The following BZW1 variants were observed in gnomAD, a reference collection of about 807,000 sequenced individuals.
The protein encoded by BZW1 is basic leucine zipper and W2 domains 1.
BZW1 carries 3 observed loss-of-function variants against 54.1 expected under a neutral mutation model. The ratio of observed to expected loss-of-function variants is 0.06; its 90% CI spans 0.03 to 0.14. BZW1 has a LOEUF of 0.14. Ranked by LOEUF, BZW1 falls within the 10% of genes least tolerant of loss-of-function variation. The pLI, the probability that BZW1 is intolerant of heterozygous loss-of-function variation, is 1.00. For missense variants in BZW1, 206 were observed against 491.7 expected (o/e 0.42, Z 5.50); for synonymous variants, 152 against 162.7 (o/e 0.93, Z 0.50).
chr2:200,812,176 G>A lies in BZW1; in HGVS notation c.-11+186G>A, dbSNP rs1380601336. The A allele has an allele frequency of 1.4e-4, 172 of 1,193,796 alleles. 1 individual carries two copies. The highest frequency in any genetic ancestry group is 1.7e-4 in the Non-Finnish European group (162 of 955,184). The allele number at this position is 1,193,796 out of a possible 1,614,324, so 74.0% of individuals were successfully genotyped here. ...GCTTCGGCAGGGAGGCCGAGGGGTAGCGGCGGCCCGGGTGGGGAGGTGGGG... is the reference window on the plus strand; with the variant it reads ...GCTTCGGCAGGGAGGCCGAGGGGTAACGGCGGCCCGGGTGGGGAGGTGGGG... On this transcript the variant is annotated intron_variant, in intron 1 of 11. Coordinates refer to ENST00000409600, the MANE Select transcript of BZW1 (RefSeq NM_001207067.2).
At chr2:200,814,292 C>G (rs1018321066) in intron 2 of BZW1, among the ~76,000 whole-genome samples, 27 of 152,144 alleles carry the variant, frequency 1.8e-4, no homozygotes, top group Admixed American at 5.9e-4. Context: ...GTAACTTCCC[C>G]GGTTCCAGAT....
At chr2:200,818,692 G>T in intron 8 of BZW1, 63 bp from the exon 9 acceptor site, 1 of 1,516,132 alleles carries the variant, frequency 6.6e-7, no homozygotes, top group South Asian at 1.3e-5. Context: ...GTCTAAACTT[G>T]ATGTGTGAAG....
chr2:200,816,096 T>C (rs1214407390), intron 4 of BZW1, among the ~76,000 whole-genome samples: 7 of 152,256 alleles, frequency 4.6e-5, no homozygotes, highest in Non-Finnish European at 2.9e-5. Context: ...AGTTGTGAGC[T>C]GATTAGCTTG....
chr2:200,820,444 C>T (rs1342219844), intron 10 of BZW1, among the ~76,000 whole-genome samples: 1 of 152,172 alleles, frequency 6.6e-6, no homozygotes, highest in Non-Finnish European at 1.5e-5. Context: ...CTTTGGGAGC[C>T]TGAGGCTGGA....
rs1389792341 is a variant in BZW1, at chr2:200,817,194, A to C, written c.491A>C (p.Asn164Thr). The change falls in exon 6 of 12, where the codon AAT (asparagine) becomes ACT (threonine). Residue 164 changes from asparagine to threonine, a missense_variant. Coordinates refer to ENST00000409600, the MANE Select transcript of BZW1 (RefSeq NM_001207067.2). ...TGVLLANGTL[N>T]ASILNSLYNE... Reference sequence around the variant, plus strand: ...GTTCTTCTGGCTAATGGAACACTTAATGCATCCATTCTTAATAGCCTTTAT... The same window carrying C: ...GTTCTTCTGGCTAATGGAACACTTACTGCATCCATTCTTAATAGCCTTTAT... 1 of 1,613,794 alleles carries C rather than the reference A, an allele frequency of 6.2e-7. No individual in the cohort carries two copies. Among genetic ancestry groups the C allele is most frequent in the Non-Finnish European group, 8.5e-7 (1 of 1,179,852 alleles).
At chr2:200,812,710 T>A (rs2038125140) in intron 1 of BZW1, 4 of 836,980 alleles carry the variant, frequency 4.8e-6, no homozygotes, top group Admixed American at 2.1e-5. Context: ...AGGCGGCCGC[T>A]GTTGCGGTCA....
At position 200,823,833 on chromosome 2, in the gene BZW1, A is replaced by G. The variant is rs1202850673; in HGVS notation, c.*1655A>G. On this transcript the variant is annotated 3_prime_UTR_variant, in exon 12 of 12. Transcript: ENST00000409600. ...TTAAAAAAATAAAGTCCATACTTAC[A>G]CTTAGGCTTTATACATCAGTCTTTT... 1 of 152,090 alleles carries G rather than the reference A, an allele frequency of 6.6e-6. No individual in the cohort carries two copies. Among genetic ancestry groups the G allele is most frequent in the Non-Finnish European group, 1.5e-5 (1 of 67,922 alleles). The allele number at this position is 152,090 out of a possible 1,614,324, so 9.4% of individuals were successfully genotyped here.
Position 200,817,261 on chromosome 2 carries a change from G to C in BZW1, c.538+20G>C, listed in dbSNP as rs2038329057. On this transcript the variant is annotated intron_variant, in intron 6 of 11. Coordinates refer to ENST00000409600, the MANE Select transcript of BZW1 (RefSeq NM_001207067.2). Reference sequence around the variant, plus strand: ...AAGAAGGTAATCAGCCTTAAAGGATGGTCTTCAGTTGACTCAGAGTGGGGT... The same window carrying C: ...AAGAAGGTAATCAGCCTTAAAGGATCGTCTTCAGTTGACTCAGAGTGGGGT... 1 of 1,609,666 alleles carries C rather than the reference G, an allele frequency of 6.2e-7. No individual in the cohort carries two copies.
rs1360336128 is a variant in BZW1 at position 200,815,353 on chromosome 2, G to A, written c.77G>A (p.Arg26Lys). Reference protein sequence around the residue: ...FKTRKRDEKERFDPTQFQDCI... With the variant: ...FKTRKRDEKEKFDPTQFQDCI... Reference sequence around the variant, plus strand: ...CTTGTCCCCCCAGATGAAAAAGAGAGGTTTGACCCTACTCAGTTTCAAGAC... The same window carrying A: ...CTTGTCCCCCCAGATGAAAAAGAGAAGTTTGACCCTACTCAGTTTCAAGAC... The change falls in exon 3 of 12, where the codon AGG becomes AAG. Residue 26 changes from arginine (R) to lysine (K), a missense_variant. Physicochemically the swap from Arg to Lys is conservative, Grantham distance 26. This residue lies in a region of BZW1 where 26 missense variants were observed against 26.9 expected (regional missense o/e 0.97). Coordinates refer to ENST00000409600, the MANE Select transcript of BZW1 (RefSeq NM_001207067.2). 7 of 1,605,406 alleles carry A rather than the reference G, an allele frequency of 4.4e-6. No homozygotes were observed. The highest frequency in any genetic ancestry group is 6.0e-6 in the Non-Finnish European group (7 of 1,175,416).
intron 8 of BZW1, 61 bp downstream of exon 8, chr2:200,818,454 AT>A: frequency 6.5e-7 from 1 of 1,536,964 alleles, no homozygotes; most frequent in Non-Finnish European, 8.8e-7. Flanking sequence ...ATTTTCACTA[AT>A]TTGAGGAACT....
intron 9 of BZW1, 21 bp downstream of exon 9, chr2:200,818,922 C>T (rs1467957346): frequency 6.5e-7 from 1 of 1,536,240 alleles, no homozygotes; most frequent in Non-Finnish European, 8.7e-7. Context: ...TATGCCTTGA[C>T]AAAACAAACT....
At chr2:200,815,854 G>A in intron 4 of BZW1, 93 bp downstream of exon 4, 2 of 1,235,232 alleles carry the variant, frequency 1.6e-6, no homozygotes, top group East Asian at 2.6e-5. Context: ...TGGTTAGAAA[G>A]TTGAAGGAAT....
chr2:200,821,609 T>C (rs1161385195), intron 11 of BZW1, among the ~76,000 whole-genome samples: 1 of 152,100 alleles, frequency 6.6e-6, no homozygotes, highest in South Asian at 2.1e-4. Context: ...ATGTTGCCGA[T>C]GCTGGTCTTG....
In BZW1 at chr2:200,824,518, T is replaced by C. The variant is rs1158050246; in HGVS notation, c.*2340T>C. ...TATATAGATGTTTATTCCATTCTTA[T>C]TTAAAAAAAAAAACCTCCATATACC... is the stretch of plus-strand genomic sequence containing the variant. On this transcript the variant is annotated 3_prime_UTR_variant, in exon 12 of 12. Coordinates refer to ENST00000409600, the MANE Select transcript of BZW1 (RefSeq NM_001207067.2). 2.0e-5 allele frequency: 3 copies of C among 150,796 alleles called. No individual in the cohort carries two copies. Among genetic ancestry groups the C allele is most frequent in the Admixed American group, 6.6e-5 (1 of 15,204 alleles). 9.3% of individuals were successfully genotyped at this position (150,796 alleles called of 1,614,324 possible).
chr2:200,827,275 C>T lies in BZW1; in HGVS notation c.*5097C>T, dbSNP rs886771255. ...TTTCTGTGTTTAACTGTGAAACTTG[C>T]TTCTTGTCTGTACCCTTGAAATGGA... is the stretch of plus-strand genomic sequence containing the variant. On this transcript the variant is annotated 3_prime_UTR_variant, in exon 12 of 12. Transcript: ENST00000409600. The T allele has an allele frequency of 3.9e-5, 6 of 152,194 alleles. No homozygotes were observed. The highest frequency in any genetic ancestry group is 7.3e-5 in the Non-Finnish European group (5 of 68,038). 9.4% of individuals were successfully genotyped at this position (152,194 alleles called of 1,614,324 possible). A position where few individuals can be genotyped will look rare whatever the true frequency, so the allele number is the denominator to read the frequency against.
rs769291006 is a variant in BZW1 at position 200,821,312 on chromosome 2, A to G, written c.1228+7A>G. ...CTCAAAAATGCTGAAGAAGGTAAGG[A>G]TTTTCCTTTGTGTGGTTTGTTTGGT... On this transcript the variant is annotated splice_region_variant and intron_variant, in intron 11 of 11. Coordinates refer to ENST00000409600, the MANE Select transcript of BZW1 (RefSeq NM_001207067.2). 4 of 1,612,892 alleles carry G rather than the reference A, an allele frequency of 2.5e-6. No individual in the cohort carries two copies. The highest frequency in any genetic ancestry group is 3.3e-5 in the Admixed American group (2 of 59,984).
At chr2:200,812,240 G>A in intron 1 of BZW1, 1 of 1,229,462 alleles carries the variant, frequency 8.1e-7, no homozygotes, top group Middle Eastern at 3.1e-4. Context: ...GAAGGCAGTG[G>A]CCGAGGCGGG....
chr2:200,818,205 G>A lies in BZW1; in HGVS notation c.649-18G>A. On this transcript the variant is annotated intron_variant, in intron 7 of 11. Coordinates refer to ENST00000409600, the MANE Select transcript of BZW1 (RefSeq NM_001207067.2). The stretch of plus-strand genomic sequence containing the variant: ...ATCTGATTTAAAGAAAGTTTAACCA[G>A]ATAAATTCTTCTTTTAGGAACTCTT... 6.5e-7 allele frequency: 1 copy of A among 1,547,020 alleles called. No homozygotes were observed.
chr2:200,824,739 T>G lies in BZW1; in HGVS notation c.*2561T>G, dbSNP rs1317138947. 1.3e-5 allele frequency: 2 copies of G among 149,648 alleles called. No individual in the cohort carries two copies. Among genetic ancestry groups the G allele is most frequent in the East Asian group, 3.9e-4 (2 of 5,108 alleles). The allele number at this position is 149,648 out of a possible 1,614,324, so 9.3% of individuals were successfully genotyped here. The stretch of plus-strand genomic sequence containing the variant: ...CAGGCTGGAGTGCAGTGGCGCGATC[T>G]TGGCTCACTGCAAGTTCCGCCTCCC... On this transcript the variant is annotated 3_prime_UTR_variant, in exon 12 of 12. Transcript: ENST00000409600.
Sources: allele counts gnomAD v4.1 joint callset (sites outside exome capture counted in the v4.1 genomes callset), GRCh38; gene constraint gnomAD v4.1.1; regional missense constraint gnomAD v4.1.1; transcripts MANE v1.5; gene names NCBI Gene and HGNC (gene_info 2026-07-23, HGNC 2026-07-21).